APC: variants seen among roughly 807,000 people sequenced by gnomAD.
The protein encoded by APC is adenomatous polyposis coli protein.
A neutral mutation model predicts 247.0 loss-of-function variants in APC; 72 were observed. That is an observed-to-expected ratio of 0.29 (90% CI 0.24 to 0.35). APC has a LOEUF of 0.35. Ranked by LOEUF, APC falls within the 10% of genes least tolerant of loss-of-function variation. The pLI is 1.00. For synonymous variants in APC, 1,254 were observed against 1,162.5 expected, an observed-to-expected ratio of 1.08 and a Z score of -1.60; for missense variants, 3,400 against 3,360.7, an observed-to-expected ratio of 1.01 and a Z score of -0.29.
chr5:112,751,937 T>G (rs1312311836), intron 1 of APC, among the ~76,000 whole-genome samples: 1 of 152,070 alleles, frequency 6.6e-6, no homozygotes, highest in Non-Finnish European at 1.5e-5. Flanking sequence ...AGAATGGGTA[T>G]TAAATTTGTA....
intron 11 of APC, 66 bp from the exon 12 acceptor site, chr5:112,827,042 C>T (rs2149807771): frequency 6.5e-7 from 1 of 1,540,108 alleles, no homozygotes; most frequent in East Asian, 2.3e-5. Context: ...ATTTAAGTTA[C>T]CAACTTGGTA....
intron 6 of APC, among the ~76,000 whole-genome samples, chr5:112,784,654 C>T (rs374422335): frequency 6.6e-6 from 1 of 152,064 alleles, no homozygotes. Context: ...TTGGGTGATT[C>T]AGCAAGTGAA....
chr5:112,765,197 T>A lies in APC; in HGVS notation c.136-1129T>A, dbSNP rs572787592. On this transcript the variant is annotated intron_variant, in intron 2 of 15. Coordinates refer to ENST00000257430, the MANE Select transcript of APC (RefSeq NM_000038.6). ...GTGGCTCACTGCAGCCTCAAACTTC[T>A]GGGCTCAAGTGATTCTCCTGCCTCA... Among the ~76,000 whole-genome samples, 3 of 152,308 alleles carry A rather than the reference T, an allele frequency of 2.0e-5. No individual in the cohort carries two copies. The East Asian group carries it at 5.8e-4, about 29-fold the overall frequency.
chr5:112,828,406 G>A (rs1397625293), intron 13 of APC, among the ~76,000 whole-genome samples: 3 of 151,530 alleles, frequency 2.0e-5, no homozygotes, highest in African/African-American at 7.3e-5. Flanking sequence ...TTATATTGTG[G>A]TTAGACTGTA....
chr5:112,805,275 A>C (rs770117984), intron 8 of APC, among the ~76,000 whole-genome samples: 1 of 152,278 alleles, frequency 6.6e-6, no homozygotes, highest in Admixed American at 6.5e-5. Flanking sequence ...TTTCCGTTGT[A>C]TGGTAGTTTA....
chr5:112,745,892 A>G (rs926989439), intron 1 of APC, among the ~76,000 whole-genome samples: 3 of 152,180 alleles, frequency 2.0e-5, no homozygotes, highest in African/African-American at 4.8e-5. Flanking sequence ...AAAGTAAACC[A>G]AAGGAAAATA....
chr5:112,827,077 T>C (rs1437369269), intron 11 of APC, 31 bp from the exon 12 acceptor site: 1 of 1,611,978 alleles, frequency 6.2e-7, no homozygotes, highest in South Asian at 1.1e-5. Flanking sequence ...TTTAGATGAT[T>C]GTCTTTTTCC....
chr5:112,776,110 G>A (rs1013990031), intron 5 of APC, among the ~76,000 whole-genome samples: 2 of 152,084 alleles, frequency 1.3e-5, no homozygotes, highest in Admixed American at 1.3e-4. Flanking sequence ...CAGGAATCAT[G>A]CCAAATAGTT....
Position 112,775,750 on chromosome 5 carries a change from G to A in APC, c.531+13G>A, listed in dbSNP as rs746814157. The A allele has an allele frequency of 5.0e-6, 7 of 1,395,828 alleles. No homozygotes were observed. Among genetic ancestry groups the A allele is most frequent in the South Asian group, 5.0e-5 (4 of 80,002 alleles). 86.5% of individuals were successfully genotyped at this position (1,395,828 alleles called of 1,614,324 possible). A position where few individuals can be genotyped will look rare whatever the true frequency, so the allele number is the denominator to read the frequency against. ...TTTAACTGAAAATGTAAGTAACTTGGCAGTACAACTTATTTGAAACTTTAA... is the reference window on the plus strand; with the variant it reads ...TTTAACTGAAAATGTAAGTAACTTGACAGTACAACTTATTTGAAACTTTAA... On this transcript the variant is annotated intron_variant, in intron 5 of 15. Transcript: ENST00000257430.
In APC at chr5:112,775,661, A is replaced by T; in HGVS notation, c.455A>T (p.Glu152Val). The T allele has an allele frequency of 1.2e-6, 2 of 1,608,430 alleles. No individual in the cohort carries two copies. Among genetic ancestry groups the T allele is most frequent in the Non-Finnish European group, 1.7e-6 (2 of 1,177,450 alleles). ...SLLLADLDKE[E>V]KEKDWYYAQL... ...CTTCTTGCTGATCTTGACAAAGAAG[A>T]AAAGGAAAAAGACTGGTATTACGCT... The change falls in exon 5 of 16, where the codon GAA (glutamate) becomes GTA (valine). Residue 152 changes from glutamate to valine, a missense_variant. This residue lies in a region of APC where 372 missense variants were observed against 367.6 expected (regional missense o/e 1.01). Transcript: ENST00000257430.
intron 7 of APC, among the ~76,000 whole-genome samples, chr5:112,800,992 A>G (rs1760753452): frequency 6.6e-6 from 1 of 152,118 alleles, no homozygotes; most frequent in Non-Finnish European, 1.5e-5. Flanking sequence ...TATGTTCCTG[A>G]TAGTAATGTG....
intron 1 of APC, among the ~76,000 whole-genome samples, chr5:112,726,539 A>G (rs1490270664): frequency 6.6e-6 from 1 of 152,012 alleles, no homozygotes; most frequent in East Asian, 1.9e-4. Context: ...GGGGTTTTTA[A>G]TGGGCACAGG....
At position 112,839,582 on chromosome 5, in the gene APC, C is replaced by G. The variant is rs2149903559; in HGVS notation, c.3988C>G (p.Pro1330Ala). ...VSEVPAVSQH[P>A]RTKSSRLQGS... ...CGAAGTTCCAGCAGTGTCACAGCACCCTAGAACCAAATCCAGCAGACTGCA... is the reference window on the plus strand; with the variant it reads ...CGAAGTTCCAGCAGTGTCACAGCACGCTAGAACCAAATCCAGCAGACTGCA... Residue 1330 changes from proline (P) to alanine (A), a missense_variant, in exon 16 of 16, where the codon CCT becomes GCT. Physicochemically the swap from Pro to Ala is conservative, Grantham distance 27. Coordinates refer to ENST00000257430, the MANE Select transcript of APC (RefSeq NM_000038.6). This position sits in a 1 kb window ranked among gnomAD's most constrained non-coding sequence, Gnocchi z 5.0. 6.2e-7 allele frequency: 1 copy of G among 1,614,084 alleles called. No individual in the cohort carries two copies. Among genetic ancestry groups the G allele is most frequent in the Non-Finnish European group, 8.5e-7 (1 of 1,180,002 alleles).
chr5:112,721,433 AAAAT>A (rs982044958), intron 1 of APC, among the ~76,000 whole-genome samples: 5 of 152,276 alleles, frequency 3.3e-5, no homozygotes, highest in African/African-American at 4.8e-5. Flanking sequence ...ATAAAATAAA[AAAAT>A]AAAGACTGAA....
chr5:112,797,425 C>T (rs1337833236), intron 7 of APC, among the ~76,000 whole-genome samples: 2 of 152,158 alleles, frequency 1.3e-5, no homozygotes, highest in Non-Finnish European at 2.9e-5. Flanking sequence ...CAAATAATTT[C>T]TCTATCATGA....
At chr5:112,765,978 A>G (rs1756258851) in intron 2 of APC, among the ~76,000 whole-genome samples, 1 of 152,184 alleles carries the variant, frequency 6.6e-6, no homozygotes, top group Admixed American at 6.5e-5. Context: ...CTAAACACAT[A>G]AGTAGCTTTT....
At chr5:112,739,587 G>C (rs2149687199) in intron 1 of APC, among the ~76,000 whole-genome samples, 1 of 152,316 alleles carries the variant, frequency 6.6e-6, no homozygotes, top group African/African-American at 2.4e-5. Flanking sequence ...AGCCGGGCGT[G>C]GTGGCCCATG....
At chr5:112,797,333 T>C (rs1192039480) in intron 7 of APC, among the ~76,000 whole-genome samples, 4 of 152,176 alleles carry the variant, frequency 2.6e-5, no homozygotes, top group African/African-American at 9.6e-5. Context: ...AGGGAGAAGC[T>C]AGAAGATGGA....
intron 1 of APC, among the ~76,000 whole-genome samples, chr5:112,722,522 C>G (rs556485857): frequency 2.0e-5 from 3 of 152,102 alleles, no homozygotes; most frequent in Non-Finnish European, 4.4e-5. Context: ...ACCATCAGAT[C>G]CCACAGGTTG....
Sources: gnomAD v4.1 joint callset for allele counts (sites outside exome capture counted in the v4.1 genomes callset) on GRCh38, gnomAD v4.1.1 for gene constraint, gnomAD v4.1.1 regional missense constraint, Gnocchi (gnomAD v3.1) non-coding constraint, MANE v1.5 for transcripts, NCBI Gene and HGNC (gene_info 2026-07-23, HGNC 2026-07-21) for gene names.